CRABP1: variants seen among roughly 807,000 people sequenced by gnomAD.
The protein encoded by CRABP1 is cellular retinoic acid binding protein 1, also known as cellular retinoic acid-binding protein 1.
Under a neutral mutation model 16.4 loss-of-function variants are expected in CRABP1, and 9 were observed. The ratio of observed to expected loss-of-function variants is 0.55; its 90% confidence interval spans 0.33 to 0.96. The LOEUF (loss-of-function observed/expected upper bound fraction) is 0.96. Among genes scored for constraint, CRABP1 ranks in the 40% least tolerant of loss-of-function variants. The pLI, the probability that CRABP1 is intolerant of heterozygous loss-of-function variation, is 0.03. For synonymous variants in CRABP1, 72 were observed against 70.4 expected (o/e 1.02, Z -0.11); for missense variants, 157 against 186.0 (o/e 0.84, Z 0.91).
In CRABP1 at chr15:78,341,446, G is replaced by C; in HGVS notation, c.249+225G>C. ...CAACCCCATCCCTACGCTGCCTCCC[G>C]GGGTGCTAACAGCCGCGCTTAAAGA... is the stretch of plus-strand genomic sequence containing the variant. On this transcript the variant is annotated intron_variant, in intron 2 of 3. Coordinates refer to ENST00000299529, the MANE Select transcript of CRABP1 (RefSeq NM_004378.3). The surrounding 1 kb of genome is among the most constrained non-coding windows in gnomAD (Gnocchi z 5.3). 1.8e-6 allele frequency: 1 copy of C among 554,582 alleles called. No individual in the cohort carries two copies. Among genetic ancestry groups the C allele is most frequent in the South Asian group, 2.0e-5 (1 of 51,086 alleles). The allele number at this position is 554,582 out of a possible 1,614,324, so 34.4% of individuals were successfully genotyped here. A position where few individuals can be genotyped will look rare whatever the true frequency, so the allele number is the denominator to read the frequency against.
chr15:78,344,298 T>C (rs559232651), intron 3 of CRABP1, among the ~76,000 whole-genome samples: 3 of 152,188 alleles, frequency 2.0e-5, no homozygotes, highest in African/African-American at 7.2e-5. Flanking sequence ...CCGTCTCTAC[T>C]AAAAATACAA....
At chr15:78,340,903 C>T (rs2050229334) in intron 1 of CRABP1, 140 bp from the exon 2 acceptor site, 1 of 887,834 alleles carries the variant, frequency 1.1e-6, no homozygotes, top group East Asian at 2.7e-5. Context: ...TCTCTCATCT[C>T]GAAAACAAGG....
rs529281304 is a variant in CRABP1 at position 78,347,205 on chromosome 15, T to C, written c.364-722T>C. 7.2e-5 allele frequency among the ~76,000 whole-genome samples: 11 copies of C among 152,180 alleles called. No individual in the cohort carries two copies. In the South Asian group the frequency reaches 1.9e-3, roughly 26 times the overall value. On this transcript the variant is annotated intron_variant, in intron 3 of 3. Transcript: ENST00000299529. The stretch of plus-strand genomic sequence containing the variant: ...CCTACAGCAAACAAACTAAGAGCCA[T>C]AGAATTTTAGCTGGAAGAGCCTTTG...
chr15:78,341,196 A>G lies in CRABP1; in HGVS notation c.224A>G (p.Glu75Gly). The change falls in exon 2 of 4, where the codon GAG becomes GGG. Residue 75 changes from glutamate (E) to glycine (G), a missense_variant. Coordinates refer to ENST00000299529, the MANE Select transcript of CRABP1 (RefSeq NM_004378.3). The surrounding 1 kb of genome is among the most constrained non-coding windows in gnomAD (Gnocchi z 5.3). The part of the protein sequence containing the change: ...NFKVGEGFEE[E>G]TVDGRKCRSL... ...AAGGTCGGAGAAGGCTTTGAGGAGG[A>G]GACCGTGGACGGACGCAAGTGCAGG... is the stretch of plus-strand genomic sequence containing the variant. 2 of 1,612,012 alleles carry G rather than the reference A, an allele frequency of 1.2e-6. No homozygotes were observed. The highest frequency in any genetic ancestry group is 1.7e-6 in the Non-Finnish European group (2 of 1,179,246).
intron 3 of CRABP1, among the ~76,000 whole-genome samples, chr15:78,347,346 G>T (rs2050272301): frequency 6.6e-6 from 1 of 152,218 alleles, no homozygotes; most frequent in African/African-American, 2.4e-5. Flanking sequence ...GCTGTGAGCT[G>T]CAGGGGCTAG....
At chr15:78,346,805 G>A (rs965477654) in intron 3 of CRABP1, among the ~76,000 whole-genome samples, 4 of 152,102 alleles carry the variant, frequency 2.6e-5, no homozygotes, top group African/African-American at 9.7e-5. Flanking sequence ...AAGATGGCAG[G>A]GTAAGAATAT....
intron 3 of CRABP1, among the ~76,000 whole-genome samples, chr15:78,347,249 C>A (rs2050271612): frequency 6.6e-6 from 1 of 152,186 alleles, no homozygotes; most frequent in Admixed American, 6.5e-5. Flanking sequence ...ATCTTGTCAA[C>A]TCCACCCCTC....
At chr15:78,344,785 C>CA (rs2050256407) in intron 3 of CRABP1, among the ~76,000 whole-genome samples, 1 of 150,878 alleles carries the variant, frequency 6.6e-6, no homozygotes, top group African/African-American at 2.4e-5. Flanking sequence ...AGTGTGGTGG[C>CA]ACATGCTTGT....
At chr15:78,340,665 A>C (rs1439033682) in intron 1 of CRABP1, 167 bp downstream of exon 1, 3 of 770,890 alleles carry the variant, frequency 3.9e-6, no homozygotes, top group Non-Finnish European at 6.1e-6. Context: ...GGTCTCGGAG[A>C]AGCTGGTAGA....
intron 2 of CRABP1, among the ~76,000 whole-genome samples, chr15:78,342,839 CTG>C (rs1222355821): frequency 6.6e-6 from 1 of 152,162 alleles, no homozygotes; most frequent in Non-Finnish European, 1.5e-5. Context: ...GGTGTCTTAA[CTG>C]TTGTCAAATC....
intron 2 of CRABP1, among the ~76,000 whole-genome samples, chr15:78,343,078 G>A (rs531512338): frequency 1.3e-5 from 2 of 152,068 alleles, no homozygotes; most frequent in African/African-American, 4.8e-5. Context: ...TTGTGCCACT[G>A]CACTCCAGCC....
chr15:78,344,122 G>C (rs1253182635), intron 3 of CRABP1, among the ~76,000 whole-genome samples: 1 of 152,136 alleles, frequency 6.6e-6, no homozygotes, highest in African/African-American at 2.4e-5. Flanking sequence ...ATGCTAATTT[G>C]GGAAGTGTCT....
In CRABP1 at chr15:78,341,488, G is replaced by T; in HGVS notation, c.249+267G>T. 1 of 458,784 alleles carries T rather than the reference G, an allele frequency of 2.2e-6. No individual in the cohort carries two copies. The highest frequency in any genetic ancestry group is 2.1e-5 in the South Asian group (1 of 47,452). The allele number at this position is 458,784 out of a possible 1,614,324, so 28.4% of individuals were successfully genotyped here. ...GCTTAAAGAGCGGGCTCTGGGTTGC[G>T]CCGCGTTCCCAGCAGTGGCTTTTGC... On this transcript the variant is annotated intron_variant, in intron 2 of 3. Coordinates refer to ENST00000299529, the MANE Select transcript of CRABP1 (RefSeq NM_004378.3). The surrounding 1 kb of genome is among the most constrained non-coding windows in gnomAD (Gnocchi z 5.3).
At chr15:78,346,987 GTTTTTGTTTTTTT>G (rs2050269292) in intron 3 of CRABP1, among the ~76,000 whole-genome samples, 1 of 143,152 alleles carries the variant, frequency 7.0e-6, no homozygotes. Flanking sequence ...CTTGGTTTTT[GTTTTTGTTTTTTT>G]TTTTTTTAAC....
At chr15:78,347,255 C>G (rs1490804193) in intron 3 of CRABP1, among the ~76,000 whole-genome samples, 1 of 152,128 alleles carries the variant, frequency 6.6e-6, no homozygotes, top group Non-Finnish European at 1.5e-5. Flanking sequence ...TCAACTCCAC[C>G]CCTCTCCTCA....
chr15:78,340,587 G>A (rs540305387), intron 1 of CRABP1, 89 bp downstream of exon 1: 1 of 1,460,386 alleles, frequency 6.8e-7, no homozygotes, highest in East Asian at 2.5e-5. Flanking sequence ...GGAGGGGGTG[G>A]AAGTTGGGGA....
At chr15:78,345,500 G>C (rs928707730) in intron 3 of CRABP1, among the ~76,000 whole-genome samples, 1 of 152,206 alleles carries the variant, frequency 6.6e-6, no homozygotes, top group Non-Finnish European at 1.5e-5. Flanking sequence ...ACTGGTACCA[G>C]AGACAGCAGA....
intron 3 of CRABP1, among the ~76,000 whole-genome samples, chr15:78,345,158 CCT>C (rs1268334810): frequency 9.2e-5 from 14 of 152,230 alleles, no homozygotes; most frequent in African/African-American, 3.4e-4. Flanking sequence ...TGAGCATAGG[CCT>C]TCCCTTCCCA....
intron 3 of CRABP1, 127 bp from the exon 4 acceptor site, chr15:78,347,800 C>A: frequency 1.2e-6 from 1 of 863,000 alleles, no homozygotes; most frequent in Non-Finnish European, 1.9e-6. Context: ...AGCACACACA[C>A]AGGAAATTGA....
Sources: allele counts gnomAD v4.1 joint callset (sites outside exome capture counted in the v4.1 genomes callset), GRCh38; gene constraint gnomAD v4.1.1; non-coding constraint Gnocchi (gnomAD v3.1); transcripts MANE v1.5; gene names NCBI Gene and HGNC (gene_info 2026-07-23, HGNC 2026-07-21).